The following ZNF433 variants were observed in gnomAD, a reference collection of about 807,000 sequenced individuals.
ZNF433 encodes zinc finger protein 433.
Under a neutral mutation model 10.6 loss-of-function variants are expected in ZNF433, and 12 were observed. The ratio of observed to expected loss-of-function variants is 1.13; its 90% CI spans 0.72 to 1.83. ZNF433 has a LOEUF of 1.83. Among genes scored for constraint, ZNF433 ranks in the 40% most tolerant of loss-of-function variants. The pLI is 0.00. For missense variants in ZNF433, 737 were observed against 798.0 expected (o/e 0.92, Z 0.92); for synonymous variants, 272 against 271.3 (o/e 1.00, Z -0.02).
intron 3 of ZNF433, among the ~76,000 whole-genome samples, chr19:12,017,074 T>G (rs1974244278): frequency 1.3e-5 from 2 of 152,024 alleles, no homozygotes. Flanking sequence ...TCCAGCAAAC[T>G]GTAGGCTTTC....
intron 1 of ZNF433, chr19:12,034,865 TC>T (rs1975204932): frequency 2.2e-6 from 1 of 454,136 alleles, no homozygotes; most frequent in Non-Finnish European, 4.4e-6. Flanking sequence ...TCCCTGCAAT[TC>T]CTGTCTCCCT....
chr19:12,026,713 T>C (rs1326297278), intron 1 of ZNF433: 6 of 454,028 alleles, frequency 1.3e-5, no homozygotes, highest in Admixed American at 4.7e-5. Context: ...TTTGGGAAGA[T>C]TGCATTGCAG....
rs762635469 is a variant in ZNF433 at position 12,016,007 on chromosome 19, C to T, written c.851G>A (p.Cys284Tyr). 3 of 1,614,058 alleles carry T rather than the reference C, an allele frequency of 1.9e-6. No individual in the cohort carries two copies. Among genetic ancestry groups the T allele is most frequent in the Non-Finnish European group, 2.5e-6 (3 of 1,179,924 alleles). ...TGEKPYECKQ[C>Y]GKAFSSSHSF... ...ATGGGAAGAGCTGAAGGCTTTCCCA[C>T]ACTGTTTACATTCATATGGCTTCTC... The change falls in exon 4 of 4, where the codon TGT becomes TAT. Residue 284 changes from cysteine (C) to tyrosine (Y), a missense_variant. Cys to Tyr is a radical substitution (Grantham distance 194). Coordinates refer to ENST00000550507, the MANE Select transcript of ZNF433 (RefSeq NM_001308348.2).
chr19:12,018,427 T>TCTA, intron 1 of ZNF433, 135 bp from the exon 2 acceptor site: 1 of 1,017,140 alleles, frequency 9.8e-7, no homozygotes, highest in Middle Eastern at 2.2e-4. Context: ...CCTCATACTC[T>TCTA]CTGTCTACAC....
intron 1 of ZNF433, chr19:12,027,154 TG>T: frequency 4.5e-6 from 2 of 446,418 alleles, no homozygotes; most frequent in Non-Finnish European, 4.4e-6. Context: ...GAGCTGCAGA[TG>T]GATTAGCAGC....
intron 1 of ZNF433, among the ~76,000 whole-genome samples, chr19:12,019,100 A>T (rs894094737): frequency 1.3e-5 from 2 of 151,592 alleles, no homozygotes; most frequent in African/African-American, 4.8e-5. Context: ...TAGTCTCAAC[A>T]AAAAGGCAAA....
chr19:12,032,029 C>T (rs148950445), intron 1 of ZNF433, among the ~76,000 whole-genome samples: 1 of 150,686 alleles, frequency 6.6e-6, no homozygotes, highest in Non-Finnish European at 1.5e-5. Flanking sequence ...ACCTCTGCCT[C>T]CCAGGTTCAA....
chr19:12,017,316 C>T lies in ZNF433; in HGVS notation c.191+560G>A, dbSNP rs1235035236. ...CTCCTGGGTTCAAGCGATTCTCCTG[C>T]CTCAGCCTCCCAGGTAGCTGGGATA... is the stretch of plus-strand genomic sequence containing the variant. On this transcript the variant is annotated intron_variant, in intron 3 of 3. Transcript: ENST00000550507. 2.0e-5 allele frequency among the ~76,000 whole-genome samples: 3 copies of T among 152,000 alleles called. No homozygotes were observed. In the East Asian group the frequency reaches 5.8e-4, roughly 29 times the overall value.
intron 1 of ZNF433, chr19:12,027,851 A>C (rs1450662571): frequency 6.6e-6 from 1 of 152,170 alleles, no homozygotes; most frequent in African/African-American, 2.4e-5. Flanking sequence ...TGTCAGGACC[A>C]GGTATAGAAT....
At chr19:12,020,972 G>GCT (rs1198976619) in intron 1 of ZNF433, among the ~76,000 whole-genome samples, 3 of 136,768 alleles carry the variant, frequency 2.2e-5, no homozygotes, top group African/African-American at 8.3e-5. Context: ...CTGCTTTACT[G>GCT]TTTTTTTTTT....
At chr19:12,019,830 G>A (rs914968369) in intron 1 of ZNF433, among the ~76,000 whole-genome samples, 1 of 152,162 alleles carries the variant, frequency 6.6e-6, no homozygotes, top group Non-Finnish European at 1.5e-5. Flanking sequence ...GAAAATTACA[G>A]TATAATTCAC....
chr19:12,033,778 C>T (rs775080), intron 1 of ZNF433, among the ~76,000 whole-genome samples: 10,308 of 148,272 alleles, frequency 0.07, 1,239 homozygotes, highest in African/African-American at 0.24. Flanking sequence ...GTAGAGATCG[C>T]GCCACTGCAC....
chr19:12,015,548 T>C lies in ZNF433; in HGVS notation c.1310A>G (p.His437Arg), dbSNP rs907977957. The C allele has an allele frequency of 1.9e-6, 3 of 1,613,914 alleles. No individual in the cohort carries two copies. Among genetic ancestry groups the C allele is most frequent in the Non-Finnish European group, 2.5e-6 (3 of 1,180,000 alleles). The change falls in exon 4 of 4, where the codon CAT becomes CGT. Residue 437 changes from histidine to arginine, a missense_variant. Physicochemically the swap from His to Arg is conservative, Grantham distance 29. Transcript: ENST00000550507. ...AFRSASLLQT[H>R]GRTHTGEKPY... is the part of the protein sequence containing the mutation. ...TTTCTCTCCCGTGTGAGTCCTACCA[T>C]GTGTTTGAAGGAGTGAGGCAGATCT...
At chr19:12,017,985 A>T (rs561900849) in intron 2 of ZNF433, 49 bp from the exon 3 acceptor site, 100 of 1,404,730 alleles carry the variant, frequency 7.1e-5, no homozygotes, top group African/African-American at 1.9e-4. Context: ...TAAAATTATT[A>T]AAAAATTACA....
At chr19:12,024,838 G>A (rs1317522319) in intron 1 of ZNF433, 1 of 152,178 alleles carries the variant, frequency 6.6e-6, no homozygotes, top group Non-Finnish European at 1.5e-5. Flanking sequence ...GGAAATGGGA[G>A]AACTCGGATT....
chr19:12,015,044 T>A lies in ZNF433; in HGVS notation c.1814A>T (p.His605Leu). Reference protein sequence around the residue: ...SFGCASRLQMHGRTHTGEKPY... With the variant: ...SFGCASRLQMLGRTHTGEKPY... ...TTTCTCTCCAGTGTGAGTCCTTCCATGCATTTGAAGTCGCGAGGCACATCC... is the reference window on the plus strand; with the variant it reads ...TTTCTCTCCAGTGTGAGTCCTTCCAAGCATTTGAAGTCGCGAGGCACATCC... Residue 605 changes from histidine to leucine, a missense_variant, in exon 4 of 4, where the codon CAT (histidine) becomes CTT (leucine). Coordinates refer to ENST00000550507, the MANE Select transcript of ZNF433 (RefSeq NM_001308348.2). 1 of 1,614,140 alleles carries A rather than the reference T, an allele frequency of 6.2e-7. No individual in the cohort carries two copies. The highest frequency in any genetic ancestry group is 8.5e-7 in the Non-Finnish European group (1 of 1,179,990).
At chr19:12,022,107 C>A (rs1015440102) in intron 1 of ZNF433, 1 of 433,834 alleles carries the variant, frequency 2.3e-6, no homozygotes, top group African/African-American at 2.0e-5. Flanking sequence ...GCCATGACAC[C>A]CACAATGAAG....
chr19:12,018,511 G>T, intron 1 of ZNF433: 2 of 432,260 alleles, frequency 4.6e-6, no homozygotes, highest in East Asian at 4.1e-5. Flanking sequence ...ATAGGAAAAT[G>T]TGTATTTTTG....
chr19:12,030,363 G>A (rs2145478674), intron 1 of ZNF433, among the ~76,000 whole-genome samples: 1 of 152,118 alleles, frequency 6.6e-6, no homozygotes, highest in South Asian at 2.1e-4. Flanking sequence ...TGGGACTACA[G>A]GTGCGCATCA....
Sources: gnomAD v4.1 joint callset for allele counts (sites outside exome capture counted in the v4.1 genomes callset) on GRCh38, gnomAD v4.1.1 for gene constraint, MANE v1.5 for transcripts, NCBI Gene and HGNC (gene_info 2026-07-23, HGNC 2026-07-21) for gene names.